Variants in CSMD1 observed in about 807,000 individuals in gnomAD.
CSMD1 encodes the protein CUB and sushi domain-containing protein 1.
CSMD1 carries 213 observed loss-of-function variants against 417.5 expected under a neutral mutation model. The ratio of observed to expected loss-of-function variants is 0.51; its 90% confidence interval spans 0.46 to 0.57. The LOEUF (loss-of-function observed/expected upper bound fraction) is 0.57. Ranked by LOEUF, CSMD1 falls within the 20% of genes least tolerant of loss-of-function variation. CSMD1 has a pLI of 0.00. For missense variants in CSMD1, 6,923 were observed against 4,529.7 expected (o/e 1.53, Z -15.17); for synonymous variants, 2,862 against 1,736.8 (o/e 1.65, Z -16.11).
chr8:3,824,093 G>C (rs997000044), intron 5 of CSMD1, among the ~76,000 whole-genome samples: 3 of 152,102 alleles, frequency 2.0e-5, no homozygotes, highest in Admixed American at 6.6e-5. Context: ...AAATGTCACA[G>C]TGAAATTAGT....
chr8:4,131,504 T>G (rs1269072619), intron 3 of CSMD1, among the ~76,000 whole-genome samples: 5 of 152,198 alleles, frequency 3.3e-5, no homozygotes, highest in Admixed American at 1.3e-4. Context: ...CCCTTGGATA[T>G]TCACTAAACA....
intron 7 of CSMD1, among the ~76,000 whole-genome samples, chr8:3,675,978 A>G (rs17397948): frequency 0.16 from 23,887 of 152,174 alleles, 2,095 homozygotes; most frequent in South Asian, 0.22. Flanking sequence ...CCATCTTCCC[A>G]GTCAGAGACT....
At chr8:3,267,266 G>GAA (rs909187124) in intron 26 of CSMD1, among the ~76,000 whole-genome samples, 15 of 152,172 alleles carry the variant, frequency 9.9e-5, no homozygotes, top group African/African-American at 3.6e-4. Flanking sequence ...GAAGTGAAGG[G>GAA]AAACCCCCTG....
chr8:4,496,562 C>T (rs555131994), intron 2 of CSMD1, among the ~76,000 whole-genome samples: 7 of 152,140 alleles, frequency 4.6e-5, no homozygotes, highest in Non-Finnish European at 1.0e-4. Context: ...AACTTCGCCT[C>T]GCCTCCTGCC....
intron 12 of CSMD1, among the ~76,000 whole-genome samples, chr8:3,451,072 C>A (rs530857762): frequency 1.3e-5 from 2 of 152,114 alleles, no homozygotes; most frequent in African/African-American, 4.8e-5. Flanking sequence ...CCAGTGATGA[C>A]GAGCATTTTT....
chr8:3,312,893 T>A (rs1429909352), intron 23 of CSMD1, among the ~76,000 whole-genome samples: 1 of 152,204 alleles, frequency 6.6e-6, no homozygotes, highest in Non-Finnish European at 1.5e-5. Flanking sequence ...TAGCCTGCTG[T>A]TTCCCTCTCT....
At chr8:4,023,610 G>C (rs1436487943) in intron 4 of CSMD1, among the ~76,000 whole-genome samples, 1 of 145,744 alleles carries the variant, frequency 6.9e-6, no homozygotes, top group South Asian at 2.2e-4. Flanking sequence ...TTCCTGACAC[G>C]GAGTCTCGCT....
chr8:3,943,791 G>A (rs917936153), intron 5 of CSMD1, among the ~76,000 whole-genome samples: 1 of 152,064 alleles, frequency 6.6e-6, no homozygotes, highest in African/African-American at 2.4e-5. Flanking sequence ...GGGACAGCCT[G>A]TAAAATAATT....
chr8:4,418,378 A>G (rs1227934432), intron 3 of CSMD1, among the ~76,000 whole-genome samples: 1 of 152,132 alleles, frequency 6.6e-6, no homozygotes, highest in African/African-American at 2.4e-5. Flanking sequence ...CATCATGACC[A>G]CCAGTAAACC....
intron 57 of CSMD1, among the ~76,000 whole-genome samples, chr8:2,969,777 A>G (rs567602546): frequency 6.6e-6 from 1 of 152,268 alleles, no homozygotes; most frequent in South Asian, 2.1e-4. Flanking sequence ...AAACCTACAG[A>G]TTCTCCAAAA....
At chr8:3,364,257 T>G (rs1423744798) in intron 20 of CSMD1, among the ~76,000 whole-genome samples, 1 of 152,204 alleles carries the variant, frequency 6.6e-6, no homozygotes, top group African/African-American at 2.4e-5. Flanking sequence ...CTAACATACC[T>G]GAAGAATTTG....
intron 2 of CSMD1, among the ~76,000 whole-genome samples, chr8:4,437,523 C>A (rs1226935270): frequency 6.6e-6 from 1 of 152,046 alleles, no homozygotes; most frequent in Non-Finnish European, 1.5e-5. Context: ...GTATTTTTGT[C>A]ATTTATTTCA....
At chr8:4,193,741 T>G (rs966758632) in intron 3 of CSMD1, among the ~76,000 whole-genome samples, 1 of 152,072 alleles carries the variant, frequency 6.6e-6, no homozygotes, top group African/African-American at 2.4e-5. Context: ...GGAGAATGTT[T>G]AACAAGTGAT....
chr8:3,136,325 C>T (rs942951969), intron 41 of CSMD1, among the ~76,000 whole-genome samples: 1 of 149,830 alleles, frequency 6.7e-6, no homozygotes. Context: ...GGCATGATCT[C>T]GGCTCACTAC....
chr8:4,599,869 T>G (rs987815381), intron 2 of CSMD1, among the ~76,000 whole-genome samples: 1 of 152,212 alleles, frequency 6.6e-6, no homozygotes, highest in South Asian at 2.1e-4. Context: ...ACAATTAAAG[T>G]TACATTCAAA....
At chr8:4,696,266 A>C (rs1807126226) in intron 1 of CSMD1, among the ~76,000 whole-genome samples, 1 of 152,250 alleles carries the variant, frequency 6.6e-6, no homozygotes, top group Non-Finnish European at 1.5e-5. Context: ...CAATAGTTGC[A>C]GAAAATCAAA....
intron 7 of CSMD1, among the ~76,000 whole-genome samples, chr8:3,666,368 T>C (rs1173372949): frequency 6.6e-6 from 1 of 152,192 alleles, no homozygotes; most frequent in African/African-American, 2.4e-5. Context: ...AATGACATAT[T>C]CAGTAGAGTT....
At chr8:3,514,471 C>G (rs1797205375) in intron 10 of CSMD1, among the ~76,000 whole-genome samples, 1 of 152,140 alleles carries the variant, frequency 6.6e-6, no homozygotes, top group Admixed American at 6.5e-5. Context: ...CACTGAAGAA[C>G]CCAGGCTTCA....
At chr8:3,303,553 G>C (rs1445015764) in intron 25 of CSMD1, among the ~76,000 whole-genome samples, 1 of 152,126 alleles carries the variant, frequency 6.6e-6, no homozygotes, top group Non-Finnish European at 1.5e-5. Context: ...ACTACCAAAT[G>C]CAATTTTCTG....
Sources: allele counts gnomAD v4.1 joint callset (sites outside exome capture counted in the v4.1 genomes callset), GRCh38; gene constraint gnomAD v4.1.1; transcripts MANE v1.5; gene names NCBI Gene and HGNC (gene_info 2026-07-23, HGNC 2026-07-21).